The following CERS6 variants were observed in gnomAD, a reference collection of about 807,000 sequenced individuals.
The protein encoded by CERS6 is ceramide synthase 6, also known as LAG1 homolog, ceramide synthase 6.
A neutral mutation model predicts 56.8 loss-of-function variants in CERS6; 26 were observed. The observed-to-expected ratio is 0.46, with a 90% CI of 0.34 to 0.63. The LOEUF (loss-of-function observed/expected upper bound fraction) is 0.63, where lower values mean the gene tolerates loss of function less well. Among genes scored for constraint, CERS6 ranks in the 30% least tolerant of loss-of-function variants. The pLI, the probability that CERS6 is intolerant of heterozygous loss-of-function variation, is 0.01. For missense variants in CERS6, 415 were observed against 467.5 expected (o/e 0.89, Z 1.04); for synonymous variants, 164 against 173.3 (o/e 0.95, Z 0.42).
intron 1 of CERS6, among the ~76,000 whole-genome samples, chr2:168,474,805 G>A (rs1169715034): frequency 6.6e-6 from 1 of 152,140 alleles, no homozygotes; most frequent in Non-Finnish European, 1.5e-5. Flanking sequence ...AACAGGAATG[G>A]TGAGTGTTGT....
chr2:168,589,689 ACTT>A (rs149991766), intron 3 of CERS6, among the ~76,000 whole-genome samples: 1,827 of 152,238 alleles, frequency 0.012, 30 homozygotes, highest in African/African-American at 0.04. Context: ...TTCTAATACT[ACTT>A]CTTCTACTCT....
At chr2:168,617,693 C>T (rs945171179) in intron 3 of CERS6, among the ~76,000 whole-genome samples, 2 of 151,818 alleles carry the variant, frequency 1.3e-5, no homozygotes, top group Non-Finnish European at 2.9e-5. Context: ...AAGAATTAGA[C>T]ACCCTGAACG....
chr2:168,632,193 C>T (rs906986231), intron 4 of CERS6, among the ~76,000 whole-genome samples: 1 of 151,976 alleles, frequency 6.6e-6, no homozygotes, highest in Admixed American at 6.6e-5. Flanking sequence ...AGTGATTTGG[C>T]ATAACATGGG....
At chr2:168,595,965 T>C (rs1683786565) in intron 3 of CERS6, among the ~76,000 whole-genome samples, 1 of 151,686 alleles carries the variant, frequency 6.6e-6, no homozygotes, top group African/African-American at 2.4e-5. Context: ...AAATTATTAT[T>C]AGGCCAGGCG....
chr2:168,751,867 C>A (rs1244382328), intron 8 of CERS6, among the ~76,000 whole-genome samples: 1 of 152,178 alleles, frequency 6.6e-6, no homozygotes, highest in African/African-American at 2.4e-5. Flanking sequence ...CTTGTGTATA[C>A]CCTTTGCTTT....
chr2:168,690,415 T>G (rs963364386), intron 4 of CERS6, among the ~76,000 whole-genome samples: 2 of 152,298 alleles, frequency 1.3e-5, no homozygotes, highest in East Asian at 3.9e-4. Flanking sequence ...GTGTGTACAC[T>G]TAGATTTTCC....
chr2:168,728,387 CTTTTT>C (rs397872513), intron 8 of CERS6, among the ~76,000 whole-genome samples: 9 of 97,554 alleles, frequency 9.2e-5, no homozygotes, highest in African/African-American at 3.2e-4. Flanking sequence ...TGCAACTACT[CTTTTT>C]TTTTTTTTTT....
At chr2:168,490,270 C>T (rs571797345) in intron 1 of CERS6, among the ~76,000 whole-genome samples, 5 of 152,190 alleles carry the variant, frequency 3.3e-5, no homozygotes, top group South Asian at 2.1e-4. Context: ...TCTTTCTCTC[C>T]GTGATTCCCC....
At chr2:168,716,561 C>T (rs115489860) in intron 7 of CERS6, among the ~76,000 whole-genome samples, 209 of 152,196 alleles carry the variant, frequency 1.4e-3, no homozygotes, top group African/African-American at 4.6e-3. Context: ...GTAAATAACA[C>T]GTAGAGTATT....
chr2:168,598,351 T>C (rs1389162461), intron 3 of CERS6, among the ~76,000 whole-genome samples: 1 of 152,170 alleles, frequency 6.6e-6, no homozygotes, highest in African/African-American at 2.4e-5. Context: ...AGAGAAAACA[T>C]ATCTTCAGTT....
At position 168,771,184 on chromosome 2, in the gene CERS6, G is replaced by A. The variant is rs535726622; in HGVS notation, c.*1522G>A. The A allele has an allele frequency of 2.8e-4, 43 of 151,772 alleles. No homozygotes were observed. Among genetic ancestry groups the A allele is most frequent in the African/African-American group, 8.3e-4 (34 of 41,200 alleles). The allele number at this position is 151,772 out of a possible 1,614,324, so 9.4% of individuals were successfully genotyped here. On this transcript the variant is annotated 3_prime_UTR_variant, in exon 10 of 10. Coordinates refer to ENST00000305747, the MANE Select transcript of CERS6 (RefSeq NM_203463.3). ...GACAACAGCAGAAATGCTAACAAGC[G>A]TGCAGAAACACCAGAGAGTGCGTAT...
chr2:168,631,429 GTAAA>G (rs1684714374), intron 4 of CERS6, among the ~76,000 whole-genome samples: 1 of 124,278 alleles, frequency 8.0e-6, no homozygotes, highest in Non-Finnish European at 1.6e-5. Context: ...GTAAATATAT[GTAAA>G]TATATATTTA....
intron 1 of CERS6, among the ~76,000 whole-genome samples, chr2:168,464,464 T>C (rs962331300): frequency 2.0e-5 from 3 of 152,150 alleles, no homozygotes; most frequent in African/African-American, 7.2e-5. Flanking sequence ...CCTGGCCTTA[T>C]ACTCTTTTAT....
At chr2:168,464,776 C>T (rs924299388) in intron 1 of CERS6, among the ~76,000 whole-genome samples, 1 of 150,936 alleles carries the variant, frequency 6.6e-6, no homozygotes, top group Non-Finnish European at 1.5e-5. Context: ...TCAAAAAAAC[C>T]AAACAAACAA....
chr2:168,703,490 G>A (rs1415997370), intron 6 of CERS6, among the ~76,000 whole-genome samples: 1 of 152,046 alleles, frequency 6.6e-6, no homozygotes, highest in African/African-American at 2.4e-5. Flanking sequence ...CCCGAGAGGC[G>A]GAGATTGCAG....
intron 4 of CERS6, among the ~76,000 whole-genome samples, chr2:168,636,216 A>G (rs1051614653): frequency 6.6e-6 from 1 of 152,170 alleles, no homozygotes; most frequent in African/African-American, 2.4e-5. Flanking sequence ...ACAAAAACCA[A>G]TTTCAGAAAG....
At chr2:168,501,071 A>G (rs150011255) in intron 1 of CERS6, among the ~76,000 whole-genome samples, 117 of 152,358 alleles carry the variant, frequency 7.7e-4, no homozygotes, top group African/African-American at 2.6e-3. Flanking sequence ...TGTGATAGCC[A>G]ATAGAAGGGG....
rs1237464593 is a variant in CERS6, at chr2:168,694,894, G to A, written c.517-65G>A. The A allele has an allele frequency of 2.8e-5, 35 of 1,247,884 alleles. 1 individual carries two copies. The East Asian group carries it at 8.1e-4, about 29-fold the overall frequency. 77.3% of individuals were successfully genotyped at this position (1,247,884 alleles called of 1,614,324 possible). ...TACTTTTGAGCAGTGAGCTTGAGATGTCTGGGATACAAATTGGGTTCCCTA... is the reference window on the plus strand; with the variant it reads ...TACTTTTGAGCAGTGAGCTTGAGATATCTGGGATACAAATTGGGTTCCCTA... On this transcript the variant is annotated intron_variant, in intron 5 of 9. Coordinates refer to ENST00000305747, the MANE Select transcript of CERS6 (RefSeq NM_203463.3).
intron 4 of CERS6, among the ~76,000 whole-genome samples, chr2:168,690,549 C>T (rs1686472311): frequency 6.6e-6 from 1 of 152,134 alleles, no homozygotes; most frequent in Admixed American, 6.5e-5. Context: ...AAGTGTCCTT[C>T]TTAAGAAGTA....
Sources: gnomAD v4.1 joint callset for allele counts (sites outside exome capture counted in the v4.1 genomes callset) on GRCh38, gnomAD v4.1.1 for gene constraint, MANE v1.5 for transcripts, NCBI Gene and HGNC (gene_info 2026-07-23, HGNC 2026-07-21) for gene names.